Variants in RHOF observed in about 807,000 individuals in gnomAD.
The protein encoded by RHOF is rho-related GTP-binding protein RhoF.
RHOF carries 21 observed loss-of-function variants against 22.2 expected under a neutral mutation model. The ratio of observed to expected loss-of-function variants is 0.95; its 90% CI spans 0.67 to 1.36. The LOEUF (loss-of-function observed/expected upper bound fraction) is 1.36. Ranked by LOEUF, RHOF falls within the 40% of genes most tolerant of loss-of-function variation. RHOF has a pLI of 0.00. For missense variants in RHOF, 285 were observed against 293.7 expected, an observed-to-expected ratio of 0.97 and a Z score of 0.22; for synonymous variants, 135 against 131.2, an observed-to-expected ratio of 1.03 and a Z score of -0.20.
Position 121,781,548 on chromosome 12 carries a change from T to A in RHOF, c.227-356A>T. On this transcript the variant is annotated intron_variant, in intron 2 of 4. Coordinates refer to ENST00000267205, the MANE Select transcript of RHOF (RefSeq NM_019034.3). ...AATCCTCAAGATCAAACCCACGCAG[T>A]GCTGAGAGCTTGGCCTGATTCTAGG... 2.3e-5 allele frequency: 6 copies of A among 256,500 alleles called. No individual in the cohort carries two copies. In the South Asian group the frequency reaches 2.6e-4, roughly 11 times the overall value. 15.9% of individuals were successfully genotyped at this position (256,500 alleles called of 1,614,324 possible).
intron 2 of RHOF, among the ~76,000 whole-genome samples, chr12:121,789,466 G>A (rs1874706394): frequency 6.6e-6 from 1 of 152,202 alleles, no homozygotes; most frequent in Non-Finnish European, 1.5e-5. Flanking sequence ...GGGTCTCTAA[G>A]GCCCAGAGCA....
Position 121,793,132 on chromosome 12 carries a change from C to A in RHOF, c.226+20G>T, listed in dbSNP as rs775509947. The A allele has an allele frequency of 1.1e-5, 17 of 1,546,984 alleles. No individual in the cohort carries two copies. The highest frequency in any genetic ancestry group is 1.3e-5 in the Non-Finnish European group (15 of 1,145,146). On this transcript the variant is annotated intron_variant, in intron 2 of 4. Transcript: ENST00000267205. ...CGGGCGGGCGGACCCTCGGGCCCCC[C>A]GGCGCGCAGGCGCACTCACCGGCCG...
chr12:121,788,137 G>A (rs1874660862), intron 2 of RHOF, among the ~76,000 whole-genome samples: 1 of 152,134 alleles, frequency 6.6e-6, no homozygotes, highest in African/African-American at 2.4e-5. Flanking sequence ...AGACACTATT[G>A]TTGGCCCCAT....
chr12:121,780,454 T>C (rs1017759700), intron 4 of RHOF: 2 of 301,560 alleles, frequency 6.6e-6, no homozygotes, highest in East Asian at 5.8e-5. Flanking sequence ...ACCCAAAGAG[T>C]TGCACGGTCA....
intron 2 of RHOF, among the ~76,000 whole-genome samples, chr12:121,784,131 T>G (rs1473758874): frequency 6.6e-6 from 1 of 152,096 alleles, no homozygotes; most frequent in Non-Finnish European, 1.5e-5. Flanking sequence ...TTCTTAAACA[T>G]CCAGATTAAC....
chr12:121,786,082 A>AT (rs1163944198), intron 2 of RHOF, among the ~76,000 whole-genome samples: 72 of 145,784 alleles, frequency 4.9e-4, no homozygotes, highest in Admixed American at 9.7e-4. Flanking sequence ...CGCCCGGCTA[A>AT]TTTTTTTTTT....
chr12:121,785,910 C>T (rs1874596281), intron 2 of RHOF, among the ~76,000 whole-genome samples: 1 of 139,500 alleles, frequency 7.2e-6, no homozygotes, highest in South Asian at 2.2e-4. Context: ...CGTGCCCAGC[C>T]TTTTCTTTTC....
chr12:121,793,066 CG>C (rs1315222503), intron 2 of RHOF, 85 bp downstream of exon 2: 60 of 1,157,412 alleles, frequency 5.2e-5, no homozygotes, highest in Non-Finnish European at 7.2e-5. Flanking sequence ...GGCTGCAGGG[CG>C]GGGACACCCA....
intron 4 of RHOF, 78 bp downstream of exon 4, chr12:121,780,794 G>C: frequency 6.7e-7 from 1 of 1,495,988 alleles, no homozygotes; most frequent in Non-Finnish European, 9.0e-7. Context: ...GGCCACTAAG[G>C]CACCCCAGTT....
In RHOF at chr12:121,779,427, C is replaced by G; in HGVS notation, c.*71G>C. 6.5e-7 allele frequency: 1 copy of G among 1,544,524 alleles called. No homozygotes were observed. Among genetic ancestry groups the G allele is most frequent in the East Asian group, 2.3e-5 (1 of 44,326 alleles). On this transcript the variant is annotated 3_prime_UTR_variant, in exon 5 of 5. Transcript: ENST00000267205. The stretch of plus-strand genomic sequence containing the variant: ...GAGCTGGAGGGTCGGGATGGGGCAG[C>G]CTCCCTGGTGCAATCGGCACCTGGG...
chr12:121,793,319 C>G lies in RHOF; in HGVS notation c.139-80G>C, dbSNP rs1874813386. The G allele has an allele frequency of 3.4e-5, 50 of 1,458,306 alleles. 3 individuals are homozygous for G. The South Asian group carries it at 5.2e-4, about 15-fold the overall frequency. The allele number at this position is 1,458,306 out of a possible 1,614,324, so 90.3% of individuals were successfully genotyped here. A position where few individuals can be genotyped will look rare whatever the true frequency, so the allele number is the denominator to read the frequency against. ...CCAGCTGAATCCACTGTCCACCCCC[C>G]TCACTCGTCCCGGATCAGCCCCCCC... On this transcript the variant is annotated intron_variant, in intron 1 of 4. Transcript: ENST00000267205.
chr12:121,781,161 CAG>C lies in RHOF; in HGVS notation c.256_257del (p.Leu86ValfsTer13), dbSNP rs777366558. The C allele has an allele frequency of 2.8e-5, 45 of 1,614,224 alleles. No individual in the cohort carries two copies. The highest frequency in any genetic ancestry group is 1.6e-4 in the Middle Eastern group (1 of 6,062). ...GQEDYDRLRP[L>X]SYQNTHLVLI... The stretch of plus-strand genomic sequence containing the variant: ...GCACGAGGTGGGTGTTCTGGTAGGA[CAG>C]GGGCCGCAGCCGGTCATAGTCTTCT... On this transcript the variant is annotated frameshift_variant, in exon 3 of 5. Coordinates refer to ENST00000267205, the MANE Select transcript of RHOF (RefSeq NM_019034.3). LOFTEE classifies it high-confidence loss of function.
chr12:121,793,101 A>T, intron 2 of RHOF, 51 bp downstream of exon 2: 1 of 1,475,742 alleles, frequency 6.8e-7, no homozygotes, highest in South Asian at 1.2e-5. Flanking sequence ...GGGAGGGGAA[A>T]CCCTTCGGGC....
rs1874298190 is a variant in RHOF, at chr12:121,777,909, C to T, written c.*1589G>A. 1 of 152,170 alleles carries T rather than the reference C, an allele frequency of 6.6e-6. No homozygotes were observed. The allele number at this position is 152,170 out of a possible 1,614,324, so 9.4% of individuals were successfully genotyped here. A position where few individuals can be genotyped will look rare whatever the true frequency, so the allele number is the denominator to read the frequency against. ...GTTGATTCCCCAGGGTACGGCAGGG[C>T]CTTGGGAACCTGGGTGGGTTGGGGA... On this transcript the variant is annotated 3_prime_UTR_variant, in exon 5 of 5. Coordinates refer to ENST00000267205, the MANE Select transcript of RHOF (RefSeq NM_019034.3).
At chr12:121,782,086 T>A (rs979155542) in intron 2 of RHOF, 2 of 152,230 alleles carry the variant, frequency 1.3e-5, no homozygotes, top group African/African-American at 4.8e-5. Context: ...CTGACTGTGA[T>A]TCACCACCTG....
chr12:121,780,462 T>C (rs1874408493), intron 4 of RHOF: 2 of 313,500 alleles, frequency 6.4e-6, no homozygotes, highest in East Asian at 1.1e-4. Flanking sequence ...AGTTGCACGG[T>C]CAATTGGCCC....
chr12:121,793,487 G>C lies in RHOF; in HGVS notation c.138+9C>G. 1 of 1,540,728 alleles carries C rather than the reference G, an allele frequency of 6.5e-7. No homozygotes were observed. The highest frequency in any genetic ancestry group is 8.7e-7 in the Non-Finnish European group (1 of 1,146,634). On this transcript the variant is annotated intron_variant, in intron 1 of 4. Transcript: ENST00000267205. Reference sequence around the variant, plus strand: ...CTCGCCCCCACCCCAGCCCCGCTGCGGGCCTCACCTCGGGGAAGGAGCCCT... The same window carrying C: ...CTCGCCCCCACCCCAGCCCCGCTGCCGGCCTCACCTCGGGGAAGGAGCCCT...
At chr12:121,779,822 G>T in intron 4 of RHOF, 160 bp from the exon 5 acceptor site, 2 of 740,770 alleles carry the variant, frequency 2.7e-6, no homozygotes, top group Non-Finnish European at 4.3e-6. Flanking sequence ...CAGTGTGTGG[G>T]TGGAATGGAG....
At chr12:121,783,382 C>T (rs1874525394) in intron 2 of RHOF, among the ~76,000 whole-genome samples, 1 of 145,558 alleles carries the variant, frequency 6.9e-6, no homozygotes, top group South Asian at 2.2e-4. Flanking sequence ...AGTGCAGTGT[C>T]CCAATCTCAG....
Sources: gnomAD v4.1 joint callset for allele counts (sites outside exome capture counted in the v4.1 genomes callset) on GRCh38, gnomAD v4.1.1 for gene constraint, MANE v1.5 for transcripts, NCBI Gene and HGNC (gene_info 2026-07-23, HGNC 2026-07-21) for gene names.